MS4A15: variants seen among roughly 807,000 people sequenced by gnomAD.
The protein encoded by MS4A15 is membrane-spanning 4-domains subfamily A member 15.
A neutral mutation model predicts 20.6 loss-of-function variants in MS4A15; 22 were observed. That is an observed-to-expected ratio of 1.07 (90% CI 0.76 to 1.52). MS4A15 has a LOEUF of 1.52. Ranked by LOEUF, MS4A15 falls within the 40% of genes most tolerant of loss-of-function variation. The pLI, the probability that MS4A15 is intolerant of heterozygous loss-of-function variation, is 0.00. For missense variants in MS4A15, 312 were observed against 323.0 expected (o/e 0.97, Z 0.26); for synonymous variants, 129 against 129.3 (o/e 1.00, Z 0.02).
At chr11:60,762,338 TTCTA>T (rs1162775062) in intron 1 of MS4A15, among the ~76,000 whole-genome samples, 1 of 152,212 alleles carries the variant, frequency 6.6e-6, no homozygotes, top group Non-Finnish European at 1.5e-5. Context: ...GGCAATATAA[TTCTA>T]TCTATGTCAC....
At chr11:60,773,286 G>A in intron 4 of MS4A15, 106 bp from the exon 5 acceptor site, 1 of 826,614 alleles carries the variant, frequency 1.2e-6, no homozygotes, top group Non-Finnish European at 1.9e-6. Context: ...TGCCTCCTTG[G>A]CTGTGGGAGG....
chr11:60,769,212 G>C (rs867214965), intron 3 of MS4A15, among the ~76,000 whole-genome samples: 6 of 152,214 alleles, frequency 3.9e-5, no homozygotes, highest in African/African-American at 1.4e-4. Context: ...AGACATGAGC[G>C]TCGGGAGATC....
At position 60,775,805 on chromosome 11, in the gene MS4A15, C is replaced by CTTTTTTA; in HGVS notation, c.*90_*91insTTTTTTA. On this transcript the variant is annotated 3_prime_UTR_variant, in exon 7 of 7. Transcript: ENST00000405633. The stretch of plus-strand genomic sequence containing the variant: ...CCCCACCTTGTTCATCAGGGGCCAG[C>CTTTTTTA]CCCATCCCAGCTGCCCTCCCTCACC... The CTTTTTTA allele has an allele frequency of 9.6e-7, 1 of 1,045,990 alleles. No homozygotes were observed. The highest frequency in any genetic ancestry group is 1.4e-6 in the Non-Finnish European group (1 of 704,730). 64.8% of individuals were successfully genotyped at this position (1,045,990 alleles called of 1,614,324 possible).
chr11:60,761,881 T>C (rs1345348756), intron 1 of MS4A15, among the ~76,000 whole-genome samples: 1 of 152,212 alleles, frequency 6.6e-6, no homozygotes, highest in Non-Finnish European at 1.5e-5. Flanking sequence ...GTAAAGTCTC[T>C]TCCAGTAGTT....
intron 3 of MS4A15, among the ~76,000 whole-genome samples, chr11:60,769,627 C>G (rs1359188734): frequency 6.6e-6 from 1 of 152,184 alleles, no homozygotes; most frequent in Non-Finnish European, 1.5e-5. Context: ...CAAAATGAAA[C>G]TCTTGATTCC....
chr11:60,775,468 G>GC (rs1180393978), intron 6 of MS4A15, 137 bp from the exon 7 acceptor site: 1 of 679,210 alleles, frequency 1.5e-6, no homozygotes, highest in Non-Finnish European at 2.6e-6. Flanking sequence ...TGCACGGAGA[G>GC]CCCTGAGCAT....
intron 5 of MS4A15, 87 bp downstream of exon 5, chr11:60,773,571 CGCCAGGACGTTGGCAGGGCCT>C (rs1854100242): frequency 7.9e-7 from 1 of 1,258,798 alleles, no homozygotes; most frequent in South Asian, 1.2e-5. Context: ...GAGTTTGCAG[CGCCAGGACGTTGGCAGGGCCT>C]GCCAGTCCCT....
chr11:60,759,343 G>A (rs1385915527), intron 1 of MS4A15, among the ~76,000 whole-genome samples: 3 of 152,258 alleles, frequency 2.0e-5, no homozygotes, highest in African/African-American at 7.2e-5. Context: ...CAGACAGTAT[G>A]CTTGGTAAAA....
intron 1 of MS4A15, among the ~76,000 whole-genome samples, chr11:60,761,156 G>A (rs901857444): frequency 2.6e-5 from 4 of 152,168 alleles, no homozygotes; most frequent in Admixed American, 2.0e-4. Context: ...ACGAGAGGTC[G>A]ATGGATGCCC....
chr11:60,764,777 C>T (rs954275209), intron 2 of MS4A15, among the ~76,000 whole-genome samples: 1 of 152,066 alleles, frequency 6.6e-6, no homozygotes, highest in Middle Eastern at 3.4e-3. Context: ...GGTGTGGAGC[C>T]GTGTGCCTGT....
chr11:60,764,133 T>A (rs867815513), intron 2 of MS4A15, among the ~76,000 whole-genome samples, 175 bp downstream of exon 2: 3 of 151,768 alleles, frequency 2.0e-5, no homozygotes, highest in Non-Finnish European at 2.9e-5. Flanking sequence ...TCACAGAGAG[T>A]AAACCAGTAA....
intron 1 of MS4A15, among the ~76,000 whole-genome samples, chr11:60,763,262 G>A (rs774522809): frequency 2.6e-5 from 4 of 152,066 alleles, no homozygotes; most frequent in Admixed American, 6.5e-5. Flanking sequence ...AATTATTGAC[G>A]CTAGCTCAAT....
At chr11:60,773,725 G>A in intron 5 of MS4A15, 112 bp from the exon 6 acceptor site, 1 of 945,230 alleles carries the variant, frequency 1.1e-6, no homozygotes, top group South Asian at 1.4e-5. Flanking sequence ...ACTGGCTCCA[G>A]GCACAGCTCT....
chr11:60,771,656 G>C, intron 4 of MS4A15: 1 of 1,421,298 alleles, frequency 7.0e-7, no homozygotes, highest in Non-Finnish European at 9.3e-7. Flanking sequence ...TTGGTGAGCA[G>C]AGAGGACTTA....
intron 2 of MS4A15, 79 bp downstream of exon 2, chr11:60,764,037 G>T: frequency 1.5e-6 from 2 of 1,327,336 alleles, no homozygotes; most frequent in South Asian, 1.4e-5. Flanking sequence ...GTTTTGGAGA[G>T]GGGAGAAGGC....
At chr11:60,757,201 T>A (rs1853618259) in intron 1 of MS4A15, 143 bp downstream of exon 1, 1 of 151,894 alleles carries the variant, frequency 6.6e-6, no homozygotes, top group Admixed American at 6.6e-5. Flanking sequence ...GGCTAACCAG[T>A]GCACTGCAGA....
chr11:60,768,635 G>C (rs1321415764), intron 3 of MS4A15, among the ~76,000 whole-genome samples: 2 of 152,166 alleles, frequency 1.3e-5, no homozygotes, highest in Non-Finnish European at 2.9e-5. Context: ...ACTGAATCTC[G>C]ATACTCAACT....
intron 2 of MS4A15, among the ~76,000 whole-genome samples, chr11:60,764,802 G>A (rs572101734): frequency 6.7e-4 from 102 of 152,164 alleles, no homozygotes; most frequent in African/African-American, 2.4e-3. Context: ...CCAGCTACTC[G>A]GGAGGCTGAG....
chr11:60,767,333 T>C (rs1853907202), intron 2 of MS4A15, among the ~76,000 whole-genome samples, 200 bp from the exon 3 acceptor site: 1 of 152,202 alleles, frequency 6.6e-6, no homozygotes, highest in African/African-American at 2.4e-5. Flanking sequence ...GTGGGTCCCG[T>C]AGGCTGCGGG....
Sources: gnomAD v4.1 joint callset for allele counts (sites outside exome capture counted in the v4.1 genomes callset) on GRCh38, gnomAD v4.1.1 for gene constraint, MANE v1.5 for transcripts, NCBI Gene and HGNC (gene_info 2026-07-23, HGNC 2026-07-21) for gene names.